ST3GAL1: variants seen among roughly 807,000 people sequenced by gnomAD.
ST3GAL1 encodes CMP-N-acetylneuraminate-beta-galactosamide-alpha-2,3-sialyltransferase 1.
ST3GAL1 carries 16 observed loss-of-function variants against 34.1 expected under a neutral mutation model. That is an observed-to-expected ratio of 0.47 (90% CI 0.32 to 0.71). The LOEUF is 0.71. Among genes scored for constraint, ST3GAL1 ranks in the 30% least tolerant of loss-of-function variants. The pLI, the probability that ST3GAL1 is intolerant of heterozygous loss-of-function variation, is 0.04. For missense variants in ST3GAL1, 353 were observed against 447.4 expected, an observed-to-expected ratio of 0.79 and a Z score of 1.90; for synonymous variants, 191 against 184.7, an observed-to-expected ratio of 1.03 and a Z score of -0.28.
At chr8:133,486,521 G>A (rs1816604090) in intron 3 of ST3GAL1, among the ~76,000 whole-genome samples, 1 of 152,344 alleles carries the variant, frequency 6.6e-6, no homozygotes, top group South Asian at 2.1e-4. Flanking sequence ...GCCGTGAGGG[G>A]AGCCAGACCC....
chr8:133,557,620 C>A (rs1477882425), intron 1 of ST3GAL1, among the ~76,000 whole-genome samples: 2 of 152,172 alleles, frequency 1.3e-5, no homozygotes, highest in Non-Finnish European at 2.9e-5. Context: ...GAGGCCAAGG[C>A]AGGCAGATCA....
chr8:133,541,152 G>GAGAGAGAGAGAGAGAC (rs1159713676), intron 2 of ST3GAL1, among the ~76,000 whole-genome samples: 4 of 136,636 alleles, frequency 2.9e-5, no homozygotes, highest in Admixed American at 7.2e-5. Flanking sequence ...GAGAGAGAGA[G>GAGAGAGAGAGAGAGAC]ACTGTGTGTC....
At chr8:133,544,662 G>C (rs1438481724) in intron 2 of ST3GAL1, among the ~76,000 whole-genome samples, 1 of 152,146 alleles carries the variant, frequency 6.6e-6, no homozygotes, top group Non-Finnish European at 1.5e-5. Context: ...TGTGACACCA[G>C]AAGGGCTCAA....
chr8:133,525,074 C>A (rs1480328549), intron 2 of ST3GAL1, among the ~76,000 whole-genome samples: 1 of 152,178 alleles, frequency 6.6e-6, no homozygotes, highest in Non-Finnish European at 1.5e-5. Flanking sequence ...GTCCTGAGTT[C>A]TTGTACCATG....
chr8:133,471,177 C>G (rs1815942327), intron 5 of ST3GAL1, among the ~76,000 whole-genome samples: 1 of 152,138 alleles, frequency 6.6e-6, no homozygotes, highest in Non-Finnish European at 1.5e-5. Flanking sequence ...TTCCCTGGCC[C>G]CTTTGGCATC....
At chr8:133,569,081 ACTTCTAGCAACGCTTCCTGTTTTTCTC>A (rs1189919256) in intron 1 of ST3GAL1, among the ~76,000 whole-genome samples, 8 of 152,230 alleles carry the variant, frequency 5.3e-5, no homozygotes, top group African/African-American at 1.9e-4. Flanking sequence ...CTCTGCCATC[ACTTCTAGCAACGCTTCCTGTTTTTCTC>A]TCTCACCCTG....
At chr8:133,554,490 G>A (rs1818949753) in intron 1 of ST3GAL1, among the ~76,000 whole-genome samples, 1 of 152,126 alleles carries the variant, frequency 6.6e-6, no homozygotes, top group Non-Finnish European at 1.5e-5. Flanking sequence ...TGAATCAAAG[G>A]AGATGGGCCC....
chr8:133,559,975 G>T (rs1453171650), intron 1 of ST3GAL1, among the ~76,000 whole-genome samples: 1 of 152,236 alleles, frequency 6.6e-6, no homozygotes, highest in Non-Finnish European at 1.5e-5. Context: ...AAGCAGCCAT[G>T]CAGGGACGGA....
At chr8:133,519,712 G>A (rs573849621) in intron 2 of ST3GAL1, among the ~76,000 whole-genome samples, 2 of 152,242 alleles carry the variant, frequency 1.3e-5, no homozygotes, top group East Asian at 1.9e-4. Flanking sequence ...TTGGGAGGCT[G>A]AGGTGGGTGG....
At position 133,457,363 on chromosome 8, in the gene ST3GAL1, A is replaced by G. The variant is rs1470803679; in HGVS notation, c.*2401T>C. ...CTCAGCCTGAGCCTGTCATCCCTAT[A>G]TAGACTCAGCTTTTAGGAGAAGAGG... is the stretch of plus-strand genomic sequence containing the variant. On this transcript the variant is annotated 3_prime_UTR_variant, in exon 10 of 10. Transcript: ENST00000522652. 1 of 152,222 alleles carries G rather than the reference A, an allele frequency of 6.6e-6. No individual in the cohort carries two copies. Among genetic ancestry groups the G allele is most frequent in the South Asian group, 2.1e-4 (1 of 4,828 alleles). 9.4% of individuals were successfully genotyped at this position (152,222 alleles called of 1,614,324 possible). A position where few individuals can be genotyped will look rare whatever the true frequency, so the allele number is the denominator to read the frequency against.
chr8:133,472,256 G>A (rs1256416673), intron 5 of ST3GAL1, among the ~76,000 whole-genome samples: 1 of 152,156 alleles, frequency 6.6e-6, no homozygotes, highest in Non-Finnish European at 1.5e-5. Context: ...GGGCTGGGAC[G>A]AGCTGGAATT....
intron 5 of ST3GAL1, among the ~76,000 whole-genome samples, chr8:133,474,850 CT>C (rs1344842848): frequency 2.6e-5 from 4 of 152,210 alleles, no homozygotes; most frequent in African/African-American, 9.6e-5. Flanking sequence ...TTGGATCTGT[CT>C]TCAAAGCACT....
chr8:133,554,640 G>T (rs939268889), intron 1 of ST3GAL1, among the ~76,000 whole-genome samples: 1 of 152,072 alleles, frequency 6.6e-6, no homozygotes, highest in Non-Finnish European at 1.5e-5. Context: ...GTCTGATTCA[G>T]ATTGGAGAAA....
At chr8:133,525,219 C>G (rs1315792657) in intron 2 of ST3GAL1, among the ~76,000 whole-genome samples, 4 of 152,154 alleles carry the variant, frequency 2.6e-5, no homozygotes, top group Non-Finnish European at 4.4e-5. Flanking sequence ...CAGTGAATGT[C>G]AAGCTTTCAG....
At chr8:133,532,486 T>C (rs1818185388) in intron 2 of ST3GAL1, among the ~76,000 whole-genome samples, 1 of 152,102 alleles carries the variant, frequency 6.6e-6, no homozygotes, top group Non-Finnish European at 1.5e-5. Context: ...TATGTTACCA[T>C]ATGATAGATT....
chr8:133,518,664 G>C (rs1817713410), intron 2 of ST3GAL1, among the ~76,000 whole-genome samples: 1 of 152,170 alleles, frequency 6.6e-6, no homozygotes, highest in Non-Finnish European at 1.5e-5. Context: ...TTGGAGGCTG[G>C]TCAGGTAAAC....
chr8:133,526,925 G>A (rs372813623), intron 2 of ST3GAL1, among the ~76,000 whole-genome samples: 14 of 152,248 alleles, frequency 9.2e-5, no homozygotes, highest in Middle Eastern at 3.4e-3. Context: ...GAGACATATC[G>A]CTGCACTCAG....
At chr8:133,566,245 C>T (rs1416693519) in intron 1 of ST3GAL1, among the ~76,000 whole-genome samples, 1 of 152,158 alleles carries the variant, frequency 6.6e-6, no homozygotes, top group Non-Finnish European at 1.5e-5. Flanking sequence ...GGAGCATGCT[C>T]CCCCAACACA....
intron 1 of ST3GAL1, among the ~76,000 whole-genome samples, chr8:133,562,867 T>C (rs73711016): frequency 0.067 from 8,755 of 130,226 alleles, 1,091 homozygotes; most frequent in African/African-American, 0.23. Flanking sequence ...TTTTTTTTTT[T>C]CCCACTGGGC....
Sources: gnomAD v4.1 joint callset for allele counts (sites outside exome capture counted in the v4.1 genomes callset) on GRCh38, gnomAD v4.1.1 for gene constraint, MANE v1.5 for transcripts, NCBI Gene and HGNC (gene_info 2026-07-23, HGNC 2026-07-21) for gene names.